GFPT1: variants seen among roughly 807,000 people sequenced by gnomAD.
GFPT1 encodes glutamine--fructose-6-phosphate transaminase 1, also known as glutamine--fructose-6-phosphate aminotransferase [isomerizing] 1.
Under a neutral mutation model 92.0 loss-of-function variants are expected in GFPT1, and 40 were observed. That is an observed-to-expected ratio of 0.43 (90% CI 0.34 to 0.57). The LOEUF is 0.57. GFPT1 is among the 20% of genes least tolerant of loss of function. The probability of loss-of-function intolerance (pLI) is 0.02; values close to 1 mark genes in which losing one functional copy is unlikely to be tolerated. For synonymous variants in GFPT1, 269 were observed against 280.6 expected (o/e 0.96, Z 0.41); for missense variants, 448 against 869.1 (o/e 0.52, Z 6.09).
At chr2:69,365,974 G>A (rs1388208277) in intron 3 of GFPT1, among the ~76,000 whole-genome samples, 1 of 152,010 alleles carries the variant, frequency 6.6e-6, no homozygotes, top group Non-Finnish European at 1.5e-5. Context: ...CACCACGCCT[G>A]GCTAATTTTT....
At chr2:69,333,874 T>G (rs1331976088) in intron 15 of GFPT1, among the ~76,000 whole-genome samples, 1 of 152,260 alleles carries the variant, frequency 6.6e-6, no homozygotes, top group East Asian at 1.9e-4. Flanking sequence ...TAATCAACTT[T>G]TGGCTGGGCG....
rs1341873727 is a variant in GFPT1 at position 69,387,193 on chromosome 2, T to C, written c.-122A>G. 1 of 1,116,260 alleles carries C rather than the reference T, an allele frequency of 9.0e-7. No homozygotes were observed. Among genetic ancestry groups the C allele is most frequent in the Non-Finnish European group, 1.2e-6 (1 of 813,160 alleles). The allele number at this position is 1,116,260 out of a possible 1,614,324, so 69.1% of individuals were successfully genotyped here. A position where few individuals can be genotyped will look rare whatever the true frequency, so the allele number is the denominator to read the frequency against. On this transcript the variant is annotated 5_prime_UTR_variant, in exon 1 of 20. Transcript: ENST00000357308. ...CCGGGGTGGCGCCGACACGACTCCC[T>C]CGGGGATGCGACGGCCAAGGCAACG...
chr2:69,329,602 C>T lies in GFPT1; in HGVS notation c.1597+82G>A, dbSNP rs897918040. The T allele has an allele frequency of 7.7e-6, 8 of 1,043,768 alleles. No homozygotes were observed. The African/African-American group carries it at 1.1e-4, about 14-fold the overall frequency. The allele number at this position is 1,043,768 out of a possible 1,614,324, so 64.7% of individuals were successfully genotyped here. On this transcript the variant is annotated intron_variant, in intron 16 of 19. Transcript: ENST00000357308. ...ATCTTATTGACTAAATAGCTACAAG[C>T]CACAGCTTCAAGGATAAGAGAATTT...
At chr2:69,365,274 T>C (rs1671583606) in intron 3 of GFPT1, among the ~76,000 whole-genome samples, 1 of 151,776 alleles carries the variant, frequency 6.6e-6, no homozygotes, top group African/African-American at 2.4e-5. Context: ...GGTCAGGAGT[T>C]TAAGACCAGC....
intron 9 of GFPT1, 21 bp downstream of exon 9, chr2:69,354,238 C>A: frequency 6.5e-7 from 1 of 1,530,810 alleles, no homozygotes. Context: ...CCTCCCCATC[C>A]ATGCAGAGTG....
intron 15 of GFPT1, among the ~76,000 whole-genome samples, chr2:69,333,792 G>A (rs544115193): frequency 1.3e-5 from 2 of 152,290 alleles, no homozygotes; most frequent in African/African-American, 4.8e-5. Flanking sequence ...TTCAGGCAAA[G>A]TTGAGAATTT....
chr2:69,350,837 A>T (rs1334621408), intron 9 of GFPT1, among the ~76,000 whole-genome samples: 1 of 151,180 alleles, frequency 6.6e-6, no homozygotes, highest in South Asian at 2.1e-4. Flanking sequence ...CAGGAAGTGG[A>T]GGCTGCAGTG....
chr2:69,328,423 T>C lies in GFPT1; in HGVS notation c.1741A>G (p.Thr581Ala). 6.2e-7 allele frequency: 1 copy of C among 1,612,410 alleles called. No individual in the cohort carries two copies. Among genetic ancestry groups the C allele is most frequent in the Non-Finnish European group, 8.5e-7 (1 of 1,178,466 alleles). Residue 581 changes from threonine to alanine, a missense_variant, in exon 18 of 20, where the codon ACT becomes GCT. This residue lies in a region of GFPT1 where 73 missense variants were observed against 103.5 expected (regional missense o/e 0.71). Transcript: ENST00000357308. ...AGGATGCCTTCAGAGTGCATATAAG[T>C]AATTTCTTTGATTTTCTAATAGGAA... ...LEGALKIKEI[T>A]YMHSEGILAG... is the part of the protein sequence containing the mutation.
chr2:69,355,050 G>A (rs1671303717), intron 7 of GFPT1, among the ~76,000 whole-genome samples: 1 of 151,918 alleles, frequency 6.6e-6, no homozygotes, highest in Admixed American at 6.6e-5. Flanking sequence ...GCAGCCCCAG[G>A]GTTTATTTTT....
chr2:69,354,263 T>C lies in GFPT1; in HGVS notation c.735A>G (p.Glu245=). The C allele has an allele frequency of 6.3e-7, 1 of 1,587,350 alleles. No homozygotes were observed. The highest frequency in any genetic ancestry group is 8.5e-7 in the Non-Finnish European group (1 of 1,172,518). Residue 245 remains glutamate (E), a synonymous_variant, in exon 9 of 20, where the codon GAA becomes GAG. Coordinates refer to ENST00000357308, the MANE Select transcript of GFPT1 (RefSeq NM_001244710.2). ...SKFTRWGSQG[E]RGKDKKGSCN... Reference sequence around the variant, plus strand: ...CATGCAGAGTGCATTTCCCACCTCTTTCTCCCTGTGATCCCCACCGTGTGA... The same window carrying C: ...CATGCAGAGTGCATTTCCCACCTCTCTCTCCCTGTGATCCCCACCGTGTGA...
At chr2:69,361,966 G>A (rs998619554) in intron 4 of GFPT1, among the ~76,000 whole-genome samples, 7 of 152,096 alleles carry the variant, frequency 4.6e-5, no homozygotes, top group African/African-American at 1.7e-4. Context: ...GTGGAGGAGT[G>A]AGACCCTGTC....
intron 10 of GFPT1, among the ~76,000 whole-genome samples, chr2:69,348,687 T>G (rs1671138786): frequency 6.6e-6 from 1 of 152,178 alleles, no homozygotes; most frequent in Non-Finnish European, 1.5e-5. Context: ...CATCAGCTCC[T>G]CGGGTGGACT....
chr2:69,331,225 A>AT (rs1220427351), intron 15 of GFPT1, among the ~76,000 whole-genome samples: 1 of 152,162 alleles, frequency 6.6e-6, no homozygotes, highest in Non-Finnish European at 1.5e-5. Flanking sequence ...TTTAGCATAC[A>AT]TATCTTGAAT....
chr2:69,387,163 G>C lies in GFPT1; in HGVS notation c.-92C>G, dbSNP rs1372937953. On this transcript the variant is annotated 5_prime_UTR_variant, in exon 1 of 20. Transcript: ENST00000357308. ...GCTTCGGTGGGCAATCTGCGGGCTC[G>C]GGGGCCGGGGTGGCGCCGACACGAC... is the stretch of plus-strand genomic sequence containing the variant. The C allele has an allele frequency of 1.4e-6, 2 of 1,410,234 alleles. No homozygotes were observed. Among genetic ancestry groups the C allele is most frequent in the Non-Finnish European group, 1.9e-6 (2 of 1,063,538 alleles). 87.4% of individuals were successfully genotyped at this position (1,410,234 alleles called of 1,614,324 possible). A position where few individuals can be genotyped will look rare whatever the true frequency, so the allele number is the denominator to read the frequency against.
Position 69,345,159 on chromosome 2 carries a change from G to A in GFPT1, c.1105+745C>T, listed in dbSNP as rs532713550. Among the ~76,000 whole-genome samples the A allele has an allele frequency of 2.7e-4, 41 of 152,260 alleles. No individual in the cohort carries two copies. In the South Asian group the frequency reaches 7.5e-3, roughly 28 times the overall value. ...TAATCCCAGCTACTTGGGAGGCTGAGGCAGGAGAATCACTTGAACCCGGGA... is the reference window on the plus strand; with the variant it reads ...TAATCCCAGCTACTTGGGAGGCTGAAGCAGGAGAATCACTTGAACCCGGGA... On this transcript the variant is annotated intron_variant, in intron 12 of 19. Transcript: ENST00000357308.
At position 69,322,842 on chromosome 2, in the gene GFPT1, T is replaced by C. The variant is rs2104588358; in HGVS notation, c.*3347A>G. 6.6e-6 allele frequency: 1 copy of C among 152,320 alleles called. No homozygotes were observed. Among genetic ancestry groups the C allele is most frequent in the African/African-American group, 2.4e-5 (1 of 41,562 alleles). 9.4% of individuals were successfully genotyped at this position (152,320 alleles called of 1,614,324 possible). ...ATGAAACACAATATGCCCCCAAACA[T>C]GGACCATTATTCAAGTAGACAAAAT... On this transcript the variant is annotated 3_prime_UTR_variant, in exon 20 of 20. Transcript: ENST00000357308.
chr2:69,377,645 G>A (rs138207421), intron 1 of GFPT1, among the ~76,000 whole-genome samples: 3,435 of 152,226 alleles, frequency 0.023, 137 homozygotes, highest in African/African-American at 0.077. Context: ...GGGCAACAGA[G>A]CAAGACTCCG....
intron 15 of GFPT1, among the ~76,000 whole-genome samples, chr2:69,330,202 C>A (rs1670627700): frequency 6.6e-6 from 1 of 152,044 alleles, no homozygotes; most frequent in Non-Finnish European, 1.5e-5. Flanking sequence ...GACCCTGTCT[C>A]CAAAAAACAA....
chr2:69,374,977 C>G (rs914666465), intron 1 of GFPT1, among the ~76,000 whole-genome samples: 1 of 152,176 alleles, frequency 6.6e-6, no homozygotes, highest in African/African-American at 2.4e-5. Flanking sequence ...ATGACAACCA[C>G]ATAACAACCC....
Sources: gnomAD v4.1 joint callset for allele counts (sites outside exome capture counted in the v4.1 genomes callset) on GRCh38, gnomAD v4.1.1 for gene constraint, gnomAD v4.1.1 regional missense constraint, MANE v1.5 for transcripts, NCBI Gene and HGNC (gene_info 2026-07-23, HGNC 2026-07-21) for gene names.